The following ZNF423 variants were observed in gnomAD, a reference collection of about 807,000 sequenced individuals.
ZNF423 encodes the protein zinc finger protein 423, also known as Ebf-associated zinc finger protein.
In ZNF423, 12 loss-of-function variants were observed where a neutral mutation model predicts 95.8. The observed-to-expected ratio is 0.13, with a 90% CI of 0.08 to 0.20. The LOEUF (loss-of-function observed/expected upper bound fraction) is 0.20. Ranked by LOEUF, ZNF423 falls within the 10% of genes least tolerant of loss-of-function variation. The probability of loss-of-function intolerance (pLI) is 1.00; values close to 1 mark genes in which losing one functional copy is unlikely to be tolerated. For synonymous variants in ZNF423, 749 were observed against 711.9 expected, an observed-to-expected ratio of 1.05 and a Z score of -0.83; for missense variants, 1,316 against 1,737.1, an observed-to-expected ratio of 0.76 and a Z score of 4.31.
intron 3 of ZNF423, among the ~76,000 whole-genome samples, chr16:49,705,784 G>A (rs2032329904): frequency 6.6e-6 from 1 of 152,210 alleles, no homozygotes. Flanking sequence ...CTGACCTCAG[G>A]TGACCCACCC....
intron 7 of ZNF423, among the ~76,000 whole-genome samples, chr16:49,504,373 C>T (rs1024857927): frequency 6.6e-5 from 10 of 152,300 alleles, no homozygotes; most frequent in East Asian, 1.9e-4. Context: ...CTTGAGGCCA[C>T]GAGTTCGATA....
At chr16:49,753,493 C>A (rs544736556) in intron 2 of ZNF423, among the ~76,000 whole-genome samples, 46 of 150,780 alleles carry the variant, frequency 3.1e-4, no homozygotes, top group African/African-American at 1.1e-3. Flanking sequence ...GTCCCAGCTA[C>A]TTGGAAGGCT....
At chr16:49,548,877 C>A (rs1292897641) in intron 5 of ZNF423, among the ~76,000 whole-genome samples, 1 of 152,220 alleles carries the variant, frequency 6.6e-6, no homozygotes, top group African/African-American at 2.4e-5. Context: ...CCTTTCCCTG[C>A]CTCTCTAGAG....
At chr16:49,829,012 A>T (rs1267486773) in intron 1 of ZNF423, among the ~76,000 whole-genome samples, 1 of 152,104 alleles carries the variant, frequency 6.6e-6, no homozygotes, top group Non-Finnish European at 1.5e-5. Flanking sequence ...TTGCCAACCC[A>T]GCCAGAGCAA....
chr16:49,645,747 G>A (rs1293484849), intron 3 of ZNF423, among the ~76,000 whole-genome samples: 3 of 152,296 alleles, frequency 2.0e-5, no homozygotes, highest in Non-Finnish European at 4.4e-5. Flanking sequence ...GAGGGACCTG[G>A]TGGGAGGTAA....
At chr16:49,769,529 G>A (rs1215704157) in intron 2 of ZNF423, among the ~76,000 whole-genome samples, 1 of 152,000 alleles carries the variant, frequency 6.6e-6, no homozygotes, top group African/African-American at 2.4e-5. Context: ...CACAACTAGA[G>A]GGACCTCTTC....
At chr16:49,773,008 G>C (rs530963070) in intron 2 of ZNF423, among the ~76,000 whole-genome samples, 1 of 152,300 alleles carries the variant, frequency 6.6e-6, no homozygotes, top group Non-Finnish European at 1.5e-5. Flanking sequence ...CTGAGCGAAG[G>C]GGGAAGCCCC....
chr16:49,593,514 AC>A (rs77676389), intron 5 of ZNF423, among the ~76,000 whole-genome samples: 34,578 of 151,922 alleles, frequency 0.23, 4,817 homozygotes, highest in Middle Eastern at 0.43. Context: ...TCCCGCCAGA[AC>A]CCTCTCTGAA....
At chr16:49,634,071 TA>T (rs1390638300) in intron 4 of ZNF423, among the ~76,000 whole-genome samples, 1 of 151,976 alleles carries the variant, frequency 6.6e-6, no homozygotes, top group African/African-American at 2.4e-5. Context: ...TATGCCCACC[TA>T]AATTTTTGTA....
chr16:49,605,613 C>T (rs574436134), intron 5 of ZNF423, among the ~76,000 whole-genome samples: 79 of 152,268 alleles, frequency 5.2e-4, no homozygotes, highest in African/African-American at 1.7e-3. Flanking sequence ...GACACTCCCT[C>T]GGGAGAATTA....
intron 1 of ZNF423, among the ~76,000 whole-genome samples, chr16:49,809,956 C>T (rs1464878172): frequency 2.0e-5 from 3 of 151,712 alleles, no homozygotes; most frequent in Non-Finnish European, 4.4e-5. Flanking sequence ...TTCCTCCCAC[C>T]CCCAGCTCCT....
intron 5 of ZNF423, among the ~76,000 whole-genome samples, chr16:49,592,183 G>A (rs1316274163): frequency 6.6e-6 from 1 of 152,212 alleles, no homozygotes; most frequent in African/African-American, 2.4e-5. Context: ...CTGTATCTAT[G>A]CATGTGTGAA....
intron 3 of ZNF423, among the ~76,000 whole-genome samples, chr16:49,639,927 C>T (rs549781659): frequency 6.6e-5 from 10 of 152,186 alleles, no homozygotes; most frequent in African/African-American, 9.7e-5. Flanking sequence ...CATTCCCCGG[C>T]GGGGGCCGAG....
chr16:49,657,058 C>G (rs927379931), intron 3 of ZNF423, among the ~76,000 whole-genome samples: 2 of 152,172 alleles, frequency 1.3e-5, no homozygotes, highest in Non-Finnish European at 2.9e-5. Context: ...TTCAGGGGCA[C>G]AAGCATTCTG....
rs370368118 is a variant in ZNF423, at chr16:49,696,339, C to T, written c.301+34432G>A. On this transcript the variant is annotated intron_variant, in intron 3 of 7. Transcript: ENST00000563137. ...GTATTATTATTGCTGTTATTATTGACATGAAAGGCTAGAAGGCTCTGATTT... is the reference window on the plus strand; with the variant it reads ...GTATTATTATTGCTGTTATTATTGATATGAAAGGCTAGAAGGCTCTGATTT... Among the ~76,000 whole-genome samples, 27 of 152,286 alleles carry T rather than the reference C, an allele frequency of 1.8e-4. 1 individual carries two copies. In the South Asian group the frequency reaches 5.6e-3, roughly 32 times the overall value.
chr16:49,567,672 G>T (rs548284684), intron 5 of ZNF423, among the ~76,000 whole-genome samples: 2 of 152,212 alleles, frequency 1.3e-5, no homozygotes, highest in African/African-American at 2.4e-5. Context: ...GCAAATAGCC[G>T]TCCAGTGCAG....
At chr16:49,765,970 G>T (rs970853513) in intron 2 of ZNF423, among the ~76,000 whole-genome samples, 5 of 152,142 alleles carry the variant, frequency 3.3e-5, no homozygotes, top group Non-Finnish European at 7.4e-5. Flanking sequence ...AGTTTCACCT[G>T]GGAAAATGAA....
chr16:49,632,202 T>G (rs1307250301), intron 4 of ZNF423, among the ~76,000 whole-genome samples: 3 of 152,192 alleles, frequency 2.0e-5, no homozygotes, highest in Admixed American at 1.3e-4. Flanking sequence ...GAGGTGGAAC[T>G]TCAATGCTTC....
At chr16:49,849,789 T>C (rs1391012340) in intron 1 of ZNF423, among the ~76,000 whole-genome samples, 1 of 152,218 alleles carries the variant, frequency 6.6e-6, no homozygotes, top group Admixed American at 6.5e-5. Context: ...CAAAGTCAAC[T>C]TGGTAACTGA....
Sources: gnomAD v4.1 joint callset for allele counts (sites outside exome capture counted in the v4.1 genomes callset) on GRCh38, gnomAD v4.1.1 for gene constraint, MANE v1.5 for transcripts, NCBI Gene and HGNC (gene_info 2026-07-23, HGNC 2026-07-21) for gene names.